CCAR1: variants seen among roughly 807,000 people sequenced by gnomAD.
The protein encoded by CCAR1 is cell division cycle and apoptosis regulator protein 1.
Under a neutral mutation model 163.8 loss-of-function variants are expected in CCAR1, and 78 were observed. That is an observed-to-expected ratio of 0.48 (90% CI 0.40 to 0.57). CCAR1 has a LOEUF of 0.57. Among genes scored for constraint, CCAR1 ranks in the 20% least tolerant of loss-of-function variants. CCAR1 has a pLI of 0.00. For synonymous variants in CCAR1, 443 were observed against 460.7 expected (o/e 0.96, Z 0.49); for missense variants, 1,019 against 1,365.2 (o/e 0.75, Z 4.00).
intron 8 of CCAR1, among the ~76,000 whole-genome samples, chr10:68,748,856 TTTTTAGAGA>T (rs2133349860): frequency 6.6e-6 from 1 of 152,228 alleles, no homozygotes; most frequent in African/African-American, 2.4e-5. Flanking sequence ...TTTGCACCTT[TTTTTAGAGA>T]TAGGGTTTTG....
intron 19 of CCAR1, among the ~76,000 whole-genome samples, chr10:68,778,116 T>C (rs2056690732): frequency 6.6e-6 from 1 of 152,124 alleles, no homozygotes; most frequent in Non-Finnish European, 1.5e-5. Flanking sequence ...CTCAGGAGGC[T>C]GAGGCAGGAG....
chr10:68,727,185 A>C (rs1280064669), intron 2 of CCAR1, among the ~76,000 whole-genome samples: 2 of 149,218 alleles, frequency 1.3e-5, no homozygotes, highest in Non-Finnish European at 3.0e-5. Flanking sequence ...CTTGTGCCTC[A>C]GCCTTTGGGA....
At chr10:68,734,212 G>A (rs563417551) in intron 2 of CCAR1, among the ~76,000 whole-genome samples, 1 of 152,164 alleles carries the variant, frequency 6.6e-6, no homozygotes, top group Non-Finnish European at 1.5e-5. Flanking sequence ...TTTTTATAAA[G>A]CACAAATTGT....
rs1319644915 is a variant in CCAR1 at position 68,752,889 on chromosome 10, T to C, written c.1119-963T>C. ...CTGCCTGTAGATAGGATAGAATAGA[T>C]AGATAGATAGATAGATAGATAGATA... On this transcript the variant is annotated intron_variant, in intron 10 of 24. Transcript: ENST00000265872. Among the ~76,000 whole-genome samples the C allele has an allele frequency of 3.3e-5, 3 of 89,634 alleles. No individual in the cohort carries two copies. In the East Asian group the frequency reaches 1.3e-3, roughly 39 times the overall value. The allele number at this position is 89,634 out of a possible 152,430, so 58.8% of individuals were successfully genotyped here. A position where few individuals can be genotyped will look rare whatever the true frequency, so the allele number is the denominator to read the frequency against.
chr10:68,788,382 A>G (rs1403854674), intron 23 of CCAR1, 54 bp downstream of exon 23: 1 of 1,322,618 alleles, frequency 7.6e-7, no homozygotes, highest in Non-Finnish European at 1.0e-6. Flanking sequence ...TGGGACACGT[A>G]TATGTTTATG....
chr10:68,756,080 T>C lies in CCAR1; in HGVS notation c.1626-193T>C, dbSNP rs1423655595. Among the ~76,000 whole-genome samples, 1 of 152,216 alleles carries C rather than the reference T, an allele frequency of 6.6e-6. No homozygotes were observed. The highest frequency in any genetic ancestry group is 2.4e-5 in the African/African-American group (1 of 41,454). Reference sequence around the variant, plus strand: ...CTTGAAAATGCCTTGGGGGAACATATTCTTCCTTTAACTTATTAAATATTG... The same window carrying C: ...CTTGAAAATGCCTTGGGGGAACATACTCTTCCTTTAACTTATTAAATATTG... On this transcript the variant is annotated intron_variant, in intron 13 of 24. Coordinates refer to ENST00000265872, the MANE Select transcript of CCAR1 (RefSeq NM_018237.4). This position sits in a 1 kb window ranked among gnomAD's most constrained non-coding sequence, Gnocchi z 5.1.
At chr10:68,724,745 A>G (rs2055915911) in intron 2 of CCAR1, among the ~76,000 whole-genome samples, 1 of 152,188 alleles carries the variant, frequency 6.6e-6, no homozygotes, top group South Asian at 2.1e-4. Context: ...TGATGGTGCC[A>G]TTGCACTACA....
chr10:68,765,867 C>T (rs1367009609), intron 16 of CCAR1, 21 bp from the exon 17 acceptor site: 18 of 1,588,316 alleles, frequency 1.1e-5, no homozygotes, highest in Middle Eastern at 1.7e-4. Context: ...TTAACCTTGA[C>T]TTGAAATTTG....
rs747643778 is a variant in CCAR1, at chr10:68,726,113, TA to T, written c.73+3556del. Among the ~76,000 whole-genome samples, 414 of 93,670 alleles carry T rather than the reference TA, an allele frequency of 4.4e-3. 1 individual carries two copies. Among genetic ancestry groups the T allele is most frequent in the Middle Eastern group, 5.6e-3 (1 of 180 alleles). The allele number at this position is 93,670 out of a possible 152,430, so 61.5% of individuals were successfully genotyped here. ...TGGGTGACAGAGTGAGACCCTGTCC[TA>T]AAAAAAAAAAAAAAAAAAAGAAATG... is the stretch of plus-strand genomic sequence containing the variant. On this transcript the variant is annotated intron_variant, in intron 2 of 24. Transcript: ENST00000265872.
In CCAR1 at chr10:68,742,585, T is replaced by G; in HGVS notation, c.518+16T>G. 1 of 1,581,742 alleles carries G rather than the reference T, an allele frequency of 6.3e-7. No homozygotes were observed. The highest frequency in any genetic ancestry group is 8.7e-7 in the Non-Finnish European group (1 of 1,152,104). On this transcript the variant is annotated intron_variant, in intron 6 of 24. Transcript: ENST00000265872. ...TTCAGCTTAGGTAAACTTAATGAGG[T>G]CTTGTCACATGGCTTCTTGCATTTA...
rs549650005 is a variant in CCAR1, at chr10:68,725,616, C to G, written c.73+3039C>G. On this transcript the variant is annotated intron_variant, in intron 2 of 24. Coordinates refer to ENST00000265872, the MANE Select transcript of CCAR1 (RefSeq NM_018237.4). ...GTGTTTAGGGATTTCAAATAAGTTT[C>G]CCAAGAATTCTACAGAATGAGATTT... Among the ~76,000 whole-genome samples, 23 of 151,946 alleles carry G rather than the reference C, an allele frequency of 1.5e-4. No homozygotes were observed. The South Asian group carries it at 4.2e-3, about 27-fold the overall frequency.
At chr10:68,782,698 T>C (rs1231868776) in intron 19 of CCAR1, among the ~76,000 whole-genome samples, 1 of 152,134 alleles carries the variant, frequency 6.6e-6, no homozygotes, top group African/African-American at 2.4e-5. Context: ...CCTTAAAAAT[T>C]ATGCTAAACC....
At chr10:68,731,892 A>T (rs1339706038) in intron 2 of CCAR1, among the ~76,000 whole-genome samples, 1 of 152,138 alleles carries the variant, frequency 6.6e-6, no homozygotes. Flanking sequence ...TACCTAGCTG[A>T]AATTGTCTTG....
At chr10:68,737,464 C>G (rs907419873) in intron 3 of CCAR1, among the ~76,000 whole-genome samples, 4 of 145,456 alleles carry the variant, frequency 2.7e-5, no homozygotes, top group African/African-American at 1.0e-4. Context: ...GATTACACCA[C>G]TGCACTCTGG....
At chr10:68,751,309 G>C (rs2056327427) in intron 10 of CCAR1, among the ~76,000 whole-genome samples, 1 of 152,000 alleles carries the variant, frequency 6.6e-6, no homozygotes, top group African/African-American at 2.4e-5. Flanking sequence ...TTACAGGTGT[G>C]AGCCACCATG....
At chr10:68,764,073 T>TA (rs935872161) in intron 16 of CCAR1, among the ~76,000 whole-genome samples, 5 of 152,212 alleles carry the variant, frequency 3.3e-5, no homozygotes, top group African/African-American at 4.8e-5. Context: ...AGCTAACACT[T>TA]ACAAATATTT....
At chr10:68,734,274 A>T (rs918352845) in intron 2 of CCAR1, among the ~76,000 whole-genome samples, 6 of 151,814 alleles carry the variant, frequency 4.0e-5, no homozygotes, top group Non-Finnish European at 8.8e-5. Flanking sequence ...TTTTTTTCAG[A>T]TTGTTCCCAG....
intron 19 of CCAR1, among the ~76,000 whole-genome samples, chr10:68,779,243 G>A (rs180731148): frequency 3.8e-4 from 54 of 141,930 alleles, no homozygotes; most frequent in African/African-American, 1.3e-3. Context: ...AATTAGGAGA[G>A]CAGATAACAA....
intron 16 of CCAR1, among the ~76,000 whole-genome samples, chr10:68,764,451 T>C (rs2056512551): frequency 6.6e-6 from 1 of 152,094 alleles, no homozygotes; most frequent in South Asian, 2.1e-4. Context: ...GGAGGATTGC[T>C]TGAACCCAGG....
Sources: gnomAD v4.1 joint callset for allele counts (sites outside exome capture counted in the v4.1 genomes callset) on GRCh38, gnomAD v4.1.1 for gene constraint, Gnocchi (gnomAD v3.1) non-coding constraint, MANE v1.5 for transcripts, NCBI Gene and HGNC (gene_info 2026-07-23, HGNC 2026-07-21) for gene names.